Variants in DROSHA observed in about 807,000 individuals in gnomAD.
The protein encoded by DROSHA is drosha ribonuclease III.
DROSHA carries 56 observed loss-of-function variants against 181.9 expected under a neutral mutation model. The ratio of observed to expected loss-of-function variants is 0.31; its 90% CI spans 0.25 to 0.38. DROSHA has a LOEUF of 0.38. Ranked by LOEUF, DROSHA falls within the 10% of genes least tolerant of loss-of-function variation. DROSHA has a pLI of 1.00. For missense variants in DROSHA, 1,218 were observed against 1,743.5 expected (o/e 0.70, Z 5.37); for synonymous variants, 524 against 591.2 (o/e 0.89, Z 1.65).
intron 12 of DROSHA, among the ~76,000 whole-genome samples, chr5:31,493,786 A>G (rs1161956857): frequency 1.3e-5 from 2 of 152,188 alleles, no homozygotes; most frequent in Non-Finnish European, 1.5e-5. Flanking sequence ...AGCCTCTCCA[A>G]GAAGTCAACC....
chr5:31,520,414 C>T (rs916751987), intron 6 of DROSHA, among the ~76,000 whole-genome samples: 2 of 152,110 alleles, frequency 1.3e-5, no homozygotes, highest in African/African-American at 2.4e-5. Context: ...TTTTCTTAAG[C>T]TCCACCAATT....
At chr5:31,479,751 A>G (rs941771606) in intron 16 of DROSHA, among the ~76,000 whole-genome samples, 1 of 152,116 alleles carries the variant, frequency 6.6e-6, no homozygotes, top group Non-Finnish European at 1.5e-5. Flanking sequence ...TATTCACTAT[A>G]TATCTGTATC....
At chr5:31,436,158 C>A (rs1164974491) in intron 24 of DROSHA, among the ~76,000 whole-genome samples, 1 of 152,190 alleles carries the variant, frequency 6.6e-6, no homozygotes, top group Non-Finnish European at 1.5e-5. Flanking sequence ...ACTCTAAGAG[C>A]AAACACATTA....
chr5:31,461,610 C>T (rs1748410574), intron 20 of DROSHA, among the ~76,000 whole-genome samples: 1 of 152,122 alleles, frequency 6.6e-6, no homozygotes, highest in South Asian at 2.1e-4. Context: ...CAAACAGTTA[C>T]CAGTTCCAGT....
chr5:31,493,267 G>T lies in DROSHA; in HGVS notation c.1782C>A (p.Tyr594Ter). The T allele has an allele frequency of 6.2e-7, 1 of 1,603,846 alleles. No homozygotes were observed. The highest frequency in any genetic ancestry group is 8.5e-7 in the Non-Finnish European group (1 of 1,175,590). Residue 594 changes from tyrosine (Y) to a stop codon, truncating the protein, a stop_gained, in exon 13 of 36, where the codon TAC becomes TAA. Transcript: ENST00000344624. LOFTEE classifies it high-confidence loss of function. ...CTTCAAAGATATACTCGTGATCATCGTATTCTATAACAGTTGGCCTGTCAG... is the reference window on the plus strand; with the variant it reads ...CTTCAAAGATATACTCGTGATCATCTTATTCTATAACAGTTGGCCTGTCAG... Reference protein sequence around the residue: ...FLTDRPTVIEYDDHEYIFEGF... With the variant: ...FLTDRPTVIE
chr5:31,443,761 C>T (rs1745933412), intron 23 of DROSHA, among the ~76,000 whole-genome samples: 2 of 152,256 alleles, frequency 1.3e-5, no homozygotes, highest in African/African-American at 4.8e-5. Flanking sequence ...TACTACCCAG[C>T]CATTTAAACT....
chr5:31,528,090 C>G lies in DROSHA; in HGVS notation c.20+950G>C, dbSNP rs963571117. ...CTCTGGCTGTTCCTCCTGGCAGTCT[C>G]CCATACCAGCTTCTTCTCTGCTAGG... On this transcript the variant is annotated intron_variant, in intron 4 of 35. Transcript: ENST00000344624. 2.6e-5 allele frequency among the ~76,000 whole-genome samples: 4 copies of G among 152,220 alleles called. No homozygotes were observed. In the East Asian group the frequency reaches 7.7e-4, roughly 29 times the overall value.
chr5:31,424,604 G>T, intron 27 of DROSHA, 133 bp from the exon 28 acceptor site: 2 of 1,123,852 alleles, frequency 1.8e-6, no homozygotes, highest in Non-Finnish European at 2.5e-6. Context: ...ATTCAACAGT[G>T]CTGGCAAACT....
At chr5:31,519,673 T>C (rs1357113408) in intron 6 of DROSHA, among the ~76,000 whole-genome samples, 1 of 152,204 alleles carries the variant, frequency 6.6e-6, no homozygotes, top group Non-Finnish European at 1.5e-5. Flanking sequence ...ATGGTATCCA[T>C]CAGGTTCATC....
intron 4 of DROSHA, among the ~76,000 whole-genome samples, chr5:31,527,225 T>C (rs1740700718): frequency 1.3e-5 from 2 of 152,198 alleles, no homozygotes; most frequent in Admixed American, 6.5e-5. Context: ...TTTGCTGTCA[T>C]GCCTTTGCTC....
chr5:31,511,836 A>G (rs909427953), intron 8 of DROSHA, among the ~76,000 whole-genome samples: 3 of 152,058 alleles, frequency 2.0e-5, no homozygotes, highest in Admixed American at 2.0e-4. Context: ...TACACTTCCT[A>G]CTGAAAATCA....
rs1368715892 is a variant in DROSHA, at chr5:31,526,654, A to G, written c.279T>C (p.Leu93=). The change falls in exon 5 of 36, where the codon CTT becomes CTC. Residue 93 remains leucine, a synonymous_variant. Transcript: ENST00000344624. Reference sequence around the variant, plus strand: ...AAGGCGGCCTGATTGGGCAGGGGGGAAGAGGGCCTTGCGCTGACGGAGGCA... The same window carrying G: ...AAGGCGGCCTGATTGGGCAGGGGGGGAGAGGGCCTTGCGCTGACGGAGGCA... ...PPMPPSAQGP[L]PPCPIRPPFP... is the part of the protein sequence containing the mutation. The G allele has an allele frequency of 2.2e-5, 32 of 1,422,640 alleles. No homozygotes were observed. The highest frequency in any genetic ancestry group is 3.0e-5 in the Non-Finnish European group (32 of 1,081,096). The allele number at this position is 1,422,640 out of a possible 1,614,324, so 88.1% of individuals were successfully genotyped here.
chr5:31,494,050 ACT>A (rs971724663), intron 12 of DROSHA, among the ~76,000 whole-genome samples: 2 of 150,888 alleles, frequency 1.3e-5, no homozygotes, highest in African/African-American at 4.9e-5. Flanking sequence ...CTCACTACAG[ACT>A]CTGCCTCCCA....
intron 3 of DROSHA, among the ~76,000 whole-genome samples, 160 bp from the exon 4 acceptor site, chr5:31,529,265 C>A (rs1403527402): frequency 2.0e-5 from 3 of 152,160 alleles, no homozygotes; most frequent in African/African-American, 7.2e-5. Flanking sequence ...AAGTTTCCAA[C>A]TAAATTTTTA....
rs1406896274 is a variant in DROSHA at position 31,435,813 on chromosome 5, G to A, written c.2994C>T (p.Thr998=). The change falls in exon 25 of 36, where the codon ACC becomes ACT. Residue 998 remains threonine, a synonymous_variant. Transcript: ENST00000344624. ...FPSLEEGGLA[T]YRTAIVQNQH... The stretch of plus-strand genomic sequence containing the variant: ...GATTCTGAACAATGGCAGTCCGATA[G>A]GTTGCTAATCCTCCTTCTTCCAGAC... The A allele has an allele frequency of 1.2e-6, 2 of 1,613,764 alleles. No homozygotes were observed. Among genetic ancestry groups the A allele is most frequent in the Non-Finnish European group, 1.7e-6 (2 of 1,179,856 alleles).
chr5:31,402,891 C>A (rs1365630069), intron 35 of DROSHA, among the ~76,000 whole-genome samples: 1 of 152,204 alleles, frequency 6.6e-6, no homozygotes, highest in African/African-American at 2.4e-5. Flanking sequence ...TCAAGCAATT[C>A]TCTGCCTCTG....
rs1399843519 is a variant in DROSHA, at chr5:31,514,831, A to G, written c.1290+157T>C. Among the ~76,000 whole-genome samples, 1 of 152,142 alleles carries G rather than the reference A, an allele frequency of 6.6e-6. No individual in the cohort carries two copies. The highest frequency in any genetic ancestry group is 1.5e-5 in the Non-Finnish European group (1 of 68,026). ...TCGGTAACCACAACTGGGGAGGGGTACTACTGGCATCTAACAGGTAGAGCC... is the reference window on the plus strand; with the variant it reads ...TCGGTAACCACAACTGGGGAGGGGTGCTACTGGCATCTAACAGGTAGAGCC... On this transcript the variant is annotated intron_variant, in intron 8 of 35. Transcript: ENST00000344624. The surrounding 1 kb of genome is among the most constrained non-coding windows in gnomAD (Gnocchi z 4.4).
At chr5:31,509,856 C>T (rs189883913) in intron 9 of DROSHA, among the ~76,000 whole-genome samples, 3 of 152,028 alleles carry the variant, frequency 2.0e-5, no homozygotes, top group Admixed American at 6.5e-5. Context: ...AAGAAAGTAG[C>T]ATAGTAGTAA....
At chr5:31,440,893 T>C (rs1373368474) in intron 23 of DROSHA, among the ~76,000 whole-genome samples, 1 of 152,180 alleles carries the variant, frequency 6.6e-6, no homozygotes, top group Non-Finnish European at 1.5e-5. Context: ...GAGATATATA[T>C]GAAATATAAA....
Sources: gnomAD v4.1 joint callset for allele counts (sites outside exome capture counted in the v4.1 genomes callset) on GRCh38, gnomAD v4.1.1 for gene constraint, Gnocchi (gnomAD v3.1) non-coding constraint, MANE v1.5 for transcripts, NCBI Gene and HGNC (gene_info 2026-07-23, HGNC 2026-07-21) for gene names.